The following COL25A1 variants were observed in gnomAD, a reference collection of about 807,000 sequenced individuals.
The protein encoded by COL25A1 is collagen type XXV alpha 1 chain.
A neutral mutation model predicts 128.4 loss-of-function variants in COL25A1; 103 were observed. The observed-to-expected ratio is 0.80, with a 90% confidence interval of 0.68 to 0.94. The LOEUF (loss-of-function observed/expected upper bound fraction) is 0.94. Among genes scored for constraint, COL25A1 ranks in the 40% least tolerant of loss-of-function variants. The probability of loss-of-function intolerance (pLI) is 0.00; values close to 1 mark genes in which losing one functional copy is unlikely to be tolerated. For synonymous variants in COL25A1, 279 were observed against 277.2 expected (o/e 1.01, Z -0.06); for missense variants, 745 against 840.0 (o/e 0.89, Z 1.40).
At chr4:109,252,888 T>C (rs75547796) in intron 3 of COL25A1, among the ~76,000 whole-genome samples, 5,997 of 152,282 alleles carry the variant, frequency 0.039, 407 homozygotes, top group African/African-American at 0.14. Flanking sequence ...TAAAGCTGGC[T>C]CAGGTCTTTC....
At position 108,926,426 on chromosome 4, in the gene COL25A1, C is replaced by G. The variant is rs574234395; in HGVS notation, c.709-5822G>C. On this transcript the variant is annotated intron_variant, in intron 11 of 37. Transcript: ENST00000399132. Reference sequence around the variant, plus strand: ...TGAAGGGGAGGATAAAAGCCCAAAACTATTAAGCCATTTAAAATTATTTCC... The same window carrying G: ...TGAAGGGGAGGATAAAAGCCCAAAAGTATTAAGCCATTTAAAATTATTTCC... Among the ~76,000 whole-genome samples the G allele has an allele frequency of 1.3e-4, 20 of 152,248 alleles. No individual in the cohort carries two copies. The South Asian group carries it at 4.1e-3, about 32-fold the overall frequency.
chr4:109,048,105 A>G lies in COL25A1; in HGVS notation c.420+63T>C. On this transcript the variant is annotated intron_variant, in intron 5 of 37. Coordinates refer to ENST00000399132, the MANE Select transcript of COL25A1 (RefSeq NM_198721.4). ...AGAGACTATATTTTGGTGTTTTAAC[A>G]AAGTTTTAACATACACAATCCTGAT... The G allele has an allele frequency of 2.6e-6, 4 of 1,559,970 alleles. No homozygotes were observed. The Admixed American group carries it at 5.0e-5, about 20-fold the overall frequency.
At chr4:109,293,656 C>T (rs1156420588) in intron 3 of COL25A1, among the ~76,000 whole-genome samples, 1 of 152,088 alleles carries the variant, frequency 6.6e-6, no homozygotes, top group Non-Finnish European at 1.5e-5. Flanking sequence ...AATGAACAGA[C>T]ATAGTCTTGG....
chr4:108,845,098 G>A (rs527819200), intron 29 of COL25A1, 91 bp downstream of exon 29: 3 of 1,072,488 alleles, frequency 2.8e-6, no homozygotes, highest in African/African-American at 1.5e-5. Context: ...CTACTGTTGT[G>A]CAGCCATCTG....
intron 3 of COL25A1, among the ~76,000 whole-genome samples, chr4:109,153,009 T>A (rs1266347715): frequency 1.3e-5 from 2 of 152,072 alleles, no homozygotes; most frequent in Non-Finnish European, 2.9e-5. Context: ...TACATTTAAG[T>A]GGTTAAAGAG....
intron 3 of COL25A1, among the ~76,000 whole-genome samples, chr4:109,065,473 A>G (rs1762338006): frequency 6.6e-6 from 1 of 151,772 alleles, no homozygotes; most frequent in African/African-American, 2.4e-5. Context: ...GCACTAGAAA[A>G]TGTTGATGTA....
intron 3 of COL25A1, among the ~76,000 whole-genome samples, chr4:109,203,325 TA>T (rs1776719241): frequency 6.6e-6 from 1 of 152,150 alleles, no homozygotes; most frequent in African/African-American, 2.4e-5. Flanking sequence ...CTAACTAGAC[TA>T]AAAATCAGAT....
chr4:109,180,494 A>G (rs1176619663), intron 3 of COL25A1, among the ~76,000 whole-genome samples: 3 of 152,144 alleles, frequency 2.0e-5, no homozygotes, highest in Non-Finnish European at 4.4e-5. Flanking sequence ...AATGGGGCTA[A>G]AAGTTGTATC....
At chr4:109,075,669 A>G (rs899694180) in intron 3 of COL25A1, among the ~76,000 whole-genome samples, 14 of 152,162 alleles carry the variant, frequency 9.2e-5, no homozygotes, top group African/African-American at 3.1e-4. Flanking sequence ...AAGTTAACAC[A>G]ATATGTAATA....
intron 31 of COL25A1, among the ~76,000 whole-genome samples, chr4:108,833,594 A>C (rs1000621228): frequency 6.6e-6 from 1 of 152,212 alleles, no homozygotes; most frequent in Non-Finnish European, 1.5e-5. Flanking sequence ...AATATTTGCA[A>C]ATGTAGGAAC....
chr4:109,234,941 T>G (rs1779374135), intron 3 of COL25A1, among the ~76,000 whole-genome samples: 1 of 152,054 alleles, frequency 6.6e-6, no homozygotes, highest in African/African-American at 2.4e-5. Context: ...AACTGTATTG[T>G]ACGCAAATCT....
chr4:108,895,257 T>G (rs1296342206), intron 16 of COL25A1, among the ~76,000 whole-genome samples: 2 of 152,230 alleles, frequency 1.3e-5, no homozygotes, highest in Admixed American at 6.5e-5. Context: ...TGACTAACCA[T>G]TATCCATCTG....
intron 3 of COL25A1, among the ~76,000 whole-genome samples, chr4:109,180,924 T>C (rs1230841777): frequency 3.3e-5 from 5 of 152,174 alleles, no homozygotes; most frequent in Admixed American, 1.3e-4. Flanking sequence ...TAGAGATATA[T>C]CTTTTTTCTG....
intron 33 of COL25A1, among the ~76,000 whole-genome samples, chr4:108,826,303 C>T (rs115307461): frequency 0.021 from 3,129 of 152,138 alleles, 35 homozygotes; most frequent in Non-Finnish European, 0.027. Flanking sequence ...TTTGAGAGGC[C>T]GAGAAGGGCG....
chr4:108,867,154 A>G (rs1453550591), intron 20 of COL25A1, among the ~76,000 whole-genome samples: 1 of 152,250 alleles, frequency 6.6e-6, no homozygotes, highest in Admixed American at 6.5e-5. Context: ...ATATTTAGGA[A>G]TGAACTTCAC....
intron 11 of COL25A1, among the ~76,000 whole-genome samples, chr4:108,936,934 C>T (rs1028636786): frequency 2.0e-5 from 3 of 151,728 alleles, no homozygotes; most frequent in Non-Finnish European, 4.4e-5. Flanking sequence ...TATGAACCCC[C>T]GTGCCCAGCC....
chr4:108,957,801 A>G (rs910517300), intron 8 of COL25A1, among the ~76,000 whole-genome samples: 2 of 152,198 alleles, frequency 1.3e-5, no homozygotes, highest in Non-Finnish European at 2.9e-5. Flanking sequence ...TTGATGAGGC[A>G]GCAAGTGAAT....
intron 20 of COL25A1, among the ~76,000 whole-genome samples, chr4:108,864,019 T>A (rs1737582971): frequency 6.6e-6 from 1 of 152,214 alleles, no homozygotes; most frequent in East Asian, 1.9e-4. Flanking sequence ...TCAGCCTCTA[T>A]AATTGTATGA....
At chr4:109,272,176 C>T (rs934605629) in intron 3 of COL25A1, among the ~76,000 whole-genome samples, 1 of 151,986 alleles carries the variant, frequency 6.6e-6, no homozygotes, top group Non-Finnish European at 1.5e-5. Flanking sequence ...GTCAAGGCTG[C>T]GATGAGCCAT....
Sources: gnomAD v4.1 joint callset for allele counts (sites outside exome capture counted in the v4.1 genomes callset) on GRCh38, gnomAD v4.1.1 for gene constraint, MANE v1.5 for transcripts, NCBI Gene and HGNC (gene_info 2026-07-23, HGNC 2026-07-21) for gene names.